The following B4GALT6 variants were observed in gnomAD, a reference collection of about 807,000 sequenced individuals.
B4GALT6 encodes UDP-Gal:beta-GlcNAc beta-1,4-galactosyltransferase 6.
Under a neutral mutation model 46.3 loss-of-function variants are expected in B4GALT6, and 14 were observed. The ratio of observed to expected loss-of-function variants is 0.30; its 90% confidence interval spans 0.20 to 0.47. The LOEUF is 0.47. Among genes scored for constraint, B4GALT6 ranks in the 20% least tolerant of loss-of-function variants. The pLI, the probability that B4GALT6 is intolerant of heterozygous loss-of-function variation, is 0.99. For missense variants in B4GALT6, 386 were observed against 480.1 expected (o/e 0.80, Z 1.83); for synonymous variants, 168 against 162.0 (o/e 1.04, Z -0.28).
At chr18:31,637,584 G>A (rs1414827992) in intron 5 of B4GALT6, among the ~76,000 whole-genome samples, 1 of 152,044 alleles carries the variant, frequency 6.6e-6, no homozygotes, top group African/African-American at 2.4e-5. Flanking sequence ...TTTACTAACT[G>A]GCTGTCATTC....
intron 3 of B4GALT6, among the ~76,000 whole-genome samples, chr18:31,654,693 C>G (rs370645297): frequency 1.3e-5 from 2 of 152,180 alleles, no homozygotes; most frequent in Admixed American, 1.3e-4. Context: ...CTTAACTTCA[C>G]TTTTAGTGAC....
chr18:31,649,599 CA>C (rs903363857), intron 3 of B4GALT6, among the ~76,000 whole-genome samples: 6 of 126,548 alleles, frequency 4.7e-5, no homozygotes, highest in Non-Finnish European at 6.7e-5. Context: ...AAAAAATGAG[CA>C]AAAGATACTA....
At chr18:31,683,769 A>G (rs1437826497) in intron 1 of B4GALT6, among the ~76,000 whole-genome samples, 1 of 152,188 alleles carries the variant, frequency 6.6e-6, no homozygotes, top group African/African-American at 2.4e-5. Flanking sequence ...TTTTTACAAG[A>G]CAACTCATCG....
chr18:31,666,208 G>C (rs374821690), intron 2 of B4GALT6, 48 bp downstream of exon 2: 405 of 1,085,544 alleles, frequency 3.7e-4, no homozygotes, highest in Non-Finnish European at 4.8e-4. Flanking sequence ...TAAAAGATTT[G>C]GTTTACTGCT....
At chr18:31,702,456 G>T in the B4GALT6 span, among the ~76,000 whole-genome samples, 2 of 152,196 alleles carry the variant, frequency 1.3e-5, no homozygotes, top group Admixed American at 1.3e-4. Context: ...GCCTCAGGTT[G>T]ATTCCATGTA....
chr18:31,691,400 A>C, the B4GALT6 span, among the ~76,000 whole-genome samples: 1 of 136,186 alleles, frequency 7.3e-6, no homozygotes, highest in South Asian at 2.5e-4. Flanking sequence ...ACTCATCCAG[A>C]GCATATTATC....
intron 5 of B4GALT6, among the ~76,000 whole-genome samples, chr18:31,634,878 T>C (rs1598873068): frequency 6.6e-6 from 1 of 152,178 alleles, no homozygotes; most frequent in African/African-American, 2.4e-5. Flanking sequence ...ACGCAGACCT[T>C]AGTTGCCTTG....
chr18:31,711,211 A>T, the B4GALT6 span, among the ~76,000 whole-genome samples: 1 of 152,206 alleles, frequency 6.6e-6, no homozygotes, highest in Non-Finnish European at 1.5e-5. Flanking sequence ...GATCCTTGCC[A>T]CAGCTCTCCC....
At chr18:31,644,528 A>T (rs911350946) in intron 4 of B4GALT6, among the ~76,000 whole-genome samples, 3 of 152,220 alleles carry the variant, frequency 2.0e-5, no homozygotes, top group African/African-American at 7.2e-5. Context: ...GATCAAGGTT[A>T]TATCACAATC....
chr18:31,723,797 C>A, the B4GALT6 span, among the ~76,000 whole-genome samples: 1 of 152,176 alleles, frequency 6.6e-6, no homozygotes, highest in African/African-American at 2.4e-5. Flanking sequence ...TTTTGCAGGT[C>A]AGTTGCTTTC....
the B4GALT6 span, among the ~76,000 whole-genome samples, chr18:31,709,247 T>C: frequency 6.6e-6 from 1 of 151,902 alleles, no homozygotes; most frequent in Non-Finnish European, 1.5e-5. Flanking sequence ...TTTTATTTTT[T>C]AGAGATGTGA....
At chr18:31,632,845 T>C (rs78342258) in intron 5 of B4GALT6, among the ~76,000 whole-genome samples, 2,508 of 152,314 alleles carry the variant, frequency 0.016, 85 homozygotes, top group African/African-American at 0.058. Context: ...CTATTAATAA[T>C]TGATGTAATC....
At chr18:31,655,431 G>A (rs972711091) in intron 3 of B4GALT6, among the ~76,000 whole-genome samples, 1 of 152,174 alleles carries the variant, frequency 6.6e-6, no homozygotes, top group African/African-American at 2.4e-5. Flanking sequence ...GGATCCCAGG[G>A]AAGCAGAGAG....
rs568732092 is a variant in B4GALT6 at position 31,622,714 on chromosome 18, CTGAA to C, written c.*2896_*2899del. On this transcript the variant is annotated 3_prime_UTR_variant, in exon 9 of 9. Transcript: ENST00000306851. ...TACTTAATATTATAAAGTTTTCTTA[CTGAA>C]TAACTTTTCACAAAAACAAAAACTT... The C allele has an allele frequency of 7.2e-4, 109 of 152,004 alleles. 1 individual carries two copies. Among genetic ancestry groups the C allele is most frequent in the African/African-American group, 2.4e-3 (101 of 41,500 alleles). 9.4% of individuals were successfully genotyped at this position (152,004 alleles called of 1,614,324 possible).
upstream of B4GALT6, among the ~76,000 whole-genome samples, chr18:31,690,509 G>A (rs563083103): frequency 5.3e-5 from 8 of 150,906 alleles, no homozygotes; most frequent in East Asian, 1.6e-3. Context: ...CACTCTTGTC[G>A]CACAGGCTGG....
chr18:31,676,735 A>AT (rs2074419155), intron 1 of B4GALT6, among the ~76,000 whole-genome samples: 1 of 152,110 alleles, frequency 6.6e-6, no homozygotes. Flanking sequence ...ATGTAGCACT[A>AT]TTTTTTCCCC....
chr18:31,626,151 G>C, intron 8 of B4GALT6, 132 bp downstream of exon 8: 1 of 541,862 alleles, frequency 1.8e-6, no homozygotes, highest in Non-Finnish European at 3.2e-6. Context: ...ATTCCCTTCA[G>C]CAAAAAATAC....
At chr18:31,688,258 T>TACATATATATATATATATATAC (rs151146927), upstream of B4GALT6, among the ~76,000 whole-genome samples, 930 of 148,622 alleles carry the variant, frequency 6.3e-3, 7 homozygotes, top group African/African-American at 0.021. Flanking sequence ...TATATATATA[T>TACATATATATATATATATATAC]ACATATATAT....
chr18:31,720,559 A>G, the B4GALT6 span, among the ~76,000 whole-genome samples: 2 of 152,224 alleles, frequency 1.3e-5, no homozygotes, highest in Non-Finnish European at 2.9e-5. Flanking sequence ...ACTGACGCCC[A>G]CCCATGTGGA....
Sources: allele counts gnomAD v4.1 joint callset (sites outside exome capture counted in the v4.1 genomes callset), GRCh38; gene constraint gnomAD v4.1.1; transcripts MANE v1.5; gene names NCBI Gene and HGNC (gene_info 2026-07-23, HGNC 2026-07-21).